SULT4A1: variants seen among roughly 807,000 people sequenced by gnomAD.
SULT4A1 encodes the protein sulfotransferase family 4A member 1.
In SULT4A1, 11 loss-of-function variants were observed where a neutral mutation model predicts 35.2. The observed-to-expected ratio is 0.31, with a 90% CI of 0.20 to 0.52. The LOEUF is 0.52. Ranked by LOEUF, SULT4A1 falls within the 20% of genes least tolerant of loss-of-function variation. The pLI is 0.97. For missense variants in SULT4A1, 271 were observed against 383.7 expected, an observed-to-expected ratio of 0.71 and a Z score of 2.45; for synonymous variants, 152 against 151.8, an observed-to-expected ratio of 1.00 and a Z score of -0.01.
rs115600605 is a variant in SULT4A1, at chr22:43,848,301, A to G, written c.170-6369T>C. Among the ~76,000 whole-genome samples the G allele has an allele frequency of 5.4e-4, 83 of 152,308 alleles. 1 individual carries two copies. Among genetic ancestry groups the G allele is most frequent in the African/African-American group, 1.4e-3 (59 of 41,568 alleles). ...GCTGAGGCCCAAAGAGAATCAATAT[A>G]AACAAATGTCAACTCAGCAACTGAA... On this transcript the variant is annotated intron_variant, in intron 1 of 6. Transcript: ENST00000330884.
At position 43,829,125 on chromosome 22, in the gene SULT4A1, A is replaced by G. The variant is rs771722462; in HGVS notation, c.677T>C (p.Leu226Pro). Reference sequence around the variant, plus strand: ...CACCAGCTGGTGGCAGTGCTCCGTCAGGGCTTCCAGCTGGGCCTTGTCACA... The same window carrying G: ...CACCAGCTGGTGGCAGTGCTCCGTCGGGGCTTCCAGCTGGGCCTTGTCACA... ...VSCDKAQLEA[L>P]TEHCHQLVDQ... Residue 226 changes from leucine (L) to proline (P), a missense_variant, in exon 6 of 7, where the codon CTG (leucine) becomes CCG (proline). Around this residue, in one of 3 missense-constraint regions of SULT4A1, gnomAD observed 75 missense variants for 67.7 expected, o/e 1.11. Transcript: ENST00000330884. The G allele has an allele frequency of 6.4e-7, 1 of 1,558,584 alleles. No homozygotes were observed. Among genetic ancestry groups the G allele is most frequent in the Non-Finnish European group, 8.7e-7 (1 of 1,151,308 alleles).
intron 4 of SULT4A1, among the ~76,000 whole-genome samples, chr22:43,836,394 C>T (rs1383858993): frequency 7.0e-6 from 1 of 142,266 alleles, no homozygotes; most frequent in Non-Finnish European, 1.5e-5. Context: ...CCTGTCTACA[C>T]AGCGTCCTCA....
intron 5 of SULT4A1, among the ~76,000 whole-genome samples, chr22:43,831,889 T>C (rs1031791909): frequency 1.3e-5 from 2 of 149,454 alleles, no homozygotes; most frequent in Non-Finnish European, 3.0e-5. Context: ...GTGTGCCAAG[T>C]ACACCTCACT....
chr22:43,852,947 C>A (rs1352781163), intron 1 of SULT4A1, among the ~76,000 whole-genome samples: 2 of 152,070 alleles, frequency 1.3e-5, no homozygotes, highest in South Asian at 4.2e-4. Context: ...ATGTCCAGGG[C>A]CACAGAGGCC....
chr22:43,859,239 TAA>T (rs2049438322), intron 1 of SULT4A1, among the ~76,000 whole-genome samples: 1 of 152,204 alleles, frequency 6.6e-6, no homozygotes, highest in African/African-American at 2.4e-5. Context: ...TCTGAAAATG[TAA>T]GACTTAAATG....
chr22:43,857,916 G>A (rs1287529183), intron 1 of SULT4A1, among the ~76,000 whole-genome samples: 1 of 151,880 alleles, frequency 6.6e-6, no homozygotes, highest in Non-Finnish European at 1.5e-5. Context: ...CAGGTGTGGT[G>A]GCGCACACCT....
chr22:43,848,084 A>C (rs1415639899), intron 1 of SULT4A1, among the ~76,000 whole-genome samples: 3 of 151,262 alleles, frequency 2.0e-5, no homozygotes, highest in African/African-American at 4.9e-5. Context: ...AGGTACCCCC[A>C]CCCACCCAGC....
intron 6 of SULT4A1, chr22:43,826,884 CAG>C: frequency 1.0e-6 from 1 of 985,454 alleles, no homozygotes; most frequent in Non-Finnish European, 1.2e-6. Flanking sequence ...GTCAGAAACC[CAG>C]ACCTCTTCCT....
chr22:43,840,389 G>A (rs372961289), intron 2 of SULT4A1, among the ~76,000 whole-genome samples: 13 of 152,150 alleles, frequency 8.5e-5, no homozygotes, highest in East Asian at 3.9e-4. Context: ...AGAGAGTCTC[G>A]GACCCAGCCA....
rs376827311 is a variant in SULT4A1 at position 43,852,524 on chromosome 22, C to T, written c.169+9690G>A. ...GCAACCCATCAGGGCCAGGCAACAG[C>T]CCAGGACCTGGGAGCTCCTGCCCCC... On this transcript the variant is annotated intron_variant, in intron 1 of 6. Transcript: ENST00000330884. Among the ~76,000 whole-genome samples the T allele has an allele frequency of 3.9e-5, 6 of 152,166 alleles. No homozygotes were observed. The East Asian group carries it at 1.2e-3, about 29-fold the overall frequency.
chr22:43,862,264 T>G lies in SULT4A1; in HGVS notation c.119A>C (p.Asn40Thr). Residue 40 changes from asparagine to threonine, a missense_variant, in exon 1 of 7, where the codon AAC becomes ACC. Coordinates refer to ENST00000330884, the MANE Select transcript of SULT4A1 (RefSeq NM_014351.4). ...FCRGKMEEIA[N>T]FPVRPSDVWI... ...CACGTCGCTGGGCCGCACCGGGAAG[T>G]TGGCGATCTCCTCCATCTTCCCGCG... 6.4e-7 allele frequency: 1 copy of G among 1,569,376 alleles called. No homozygotes were observed. Among genetic ancestry groups the G allele is most frequent in the Non-Finnish European group, 8.6e-7 (1 of 1,157,302 alleles).
Position 43,829,151 on chromosome 22 carries a change from G to A in SULT4A1, c.651C>T (p.Ser217=), listed in dbSNP as rs1411608159. The A allele has an allele frequency of 6.4e-7, 1 of 1,564,732 alleles. No individual in the cohort carries two copies. The highest frequency in any genetic ancestry group is 8.7e-7 in the Non-Finnish European group (1 of 1,154,770). The change falls in exon 6 of 7, where the codon TCC becomes TCT. Residue 217 remains serine, a synonymous_variant. Coordinates refer to ENST00000330884, the MANE Select transcript of SULT4A1 (RefSeq NM_014351.4). ...GGGCTTCCAGCTGGGCCTTGTCACA[G>A]GACACCCCCAGGAATCTGGCCAGCT... is the stretch of plus-strand genomic sequence containing the variant. ...VEQLARFLGV[S]CDKAQLEALT...
At chr22:43,839,436 A>G (rs903926259) in intron 3 of SULT4A1, among the ~76,000 whole-genome samples, 1 of 152,146 alleles carries the variant, frequency 6.6e-6, no homozygotes, top group Non-Finnish European at 1.5e-5. Flanking sequence ...TCTACCAAAA[A>G]TAGAAAAATT....
chr22:43,832,989 A>C (rs929789998), intron 5 of SULT4A1, among the ~76,000 whole-genome samples: 2 of 152,050 alleles, frequency 1.3e-5, no homozygotes, highest in Non-Finnish European at 2.9e-5. Context: ...CCCTACATCG[A>C]CATGGTTTCC....
At chr22:43,827,300 A>C (rs1332649254) in intron 6 of SULT4A1, 1 of 985,322 alleles carries the variant, frequency 1.0e-6, no homozygotes, top group Non-Finnish European at 1.2e-6. Flanking sequence ...GCAACCCTGC[A>C]AATGCTGAGC....
chr22:43,827,264 A>G (rs1413054812), intron 6 of SULT4A1: 1 of 985,324 alleles, frequency 1.0e-6, no homozygotes, highest in Non-Finnish European at 1.2e-6. Flanking sequence ...GTCCTTGTCC[A>G]GGCAGGACCT....
intron 3 of SULT4A1, among the ~76,000 whole-genome samples, chr22:43,839,481 C>T (rs958799647): frequency 1.3e-5 from 2 of 152,318 alleles, no homozygotes. Flanking sequence ...GTAGTCCCAG[C>T]TACTCAGGAG....
At chr22:43,843,457 TCTGA>T (rs2063449833) in intron 1 of SULT4A1, among the ~76,000 whole-genome samples, 2 of 152,192 alleles carry the variant, frequency 1.3e-5, no homozygotes, top group Admixed American at 1.3e-4. Flanking sequence ...ACCTGCCTTT[TCTGA>T]CTGTGTGGGT....
Position 43,833,707 on chromosome 22 carries a change from A to G in SULT4A1, c.536T>C (p.Val179Ala). 6.3e-7 allele frequency: 1 copy of G among 1,578,462 alleles called. No individual in the cohort carries two copies. Among genetic ancestry groups the G allele is most frequent in the African/African-American group, 1.3e-5 (1 of 74,550 alleles). The change falls in exon 5 of 7, where the codon GTG becomes GCG. Residue 179 changes from valine (V) to alanine (A), a missense_variant. By Grantham distance (64) the Val-to-Ala change is moderately conservative. Transcript: ENST00000330884. The part of the protein sequence containing the change: ...KLGYGSWFEH[V>A]QEFWEHRMDS... ...CATGCGGTGCTCCCAGAACTCCTGC[A>G]CGTGCTCAAACCAGGAGCCGTAGCC...
Sources: gnomAD v4.1 joint callset for allele counts (sites outside exome capture counted in the v4.1 genomes callset) on GRCh38, gnomAD v4.1.1 for gene constraint, gnomAD v4.1.1 regional missense constraint, MANE v1.5 for transcripts, NCBI Gene and HGNC (gene_info 2026-07-23, HGNC 2026-07-21) for gene names.